Variants in PLAGL1 observed in about 807,000 individuals in gnomAD.
PLAGL1 encodes zinc finger protein PLAGL1.
In PLAGL1, 1 loss-of-function variant was observed where a neutral mutation model predicts 4.6. That is an observed-to-expected ratio of 0.22 (90% CI 0.08 to 1.03). PLAGL1 has a LOEUF of 1.03. Among genes scored for constraint, PLAGL1 ranks in the 50% least tolerant of loss-of-function variants. The pLI is 0.58. For missense variants in PLAGL1, 464 were observed against 570.4 expected (o/e 0.81, Z 1.90); for synonymous variants, 240 against 237.8 (o/e 1.01, Z -0.08).
rs942917698 is a variant in PLAGL1 at position 143,945,971 on chromosome 6, A to G, written c.152+2014T>C. On this transcript the variant is annotated intron_variant, in intron 7 of 7. Transcript: ENST00000674357. The surrounding 1 kb of genome is among the most constrained non-coding windows in gnomAD (Gnocchi z 4.2). Reference sequence around the variant, plus strand: ...ACAAGCCATTTTCCTTGCTAAGAACAACTACCTTCTAAACATGACTTAAGA... The same window carrying G: ...ACAAGCCATTTTCCTTGCTAAGAACGACTACCTTCTAAACATGACTTAAGA... Among the ~76,000 whole-genome samples, 2 of 152,214 alleles carry G rather than the reference A, an allele frequency of 1.3e-5. No homozygotes were observed. The highest frequency in any genetic ancestry group is 2.9e-5 in the Non-Finnish European group (2 of 68,040).
Position 143,942,123 on chromosome 6 carries a change from T to C in PLAGL1, c.693A>G (p.Ser231=). 6.2e-7 allele frequency: 1 copy of C among 1,614,180 alleles called. No homozygotes were observed. Among genetic ancestry groups the C allele is most frequent in the Admixed American group, 1.7e-5 (1 of 60,018 alleles). ...GCAAGGCAGCAGCCTTCAGTTGGAA[T>C]GAAGGCGAGATGGTGTGGAAGGTGC... ...LLSTFHTISP[S]FQLKAAALPP... is the part of the protein sequence containing the mutation. Residue 231 remains serine (S), a synonymous_variant, in exon 8 of 8, where the codon TCA becomes TCG. Coordinates refer to ENST00000674357, the MANE Select transcript of PLAGL1 (RefSeq NM_001317162.2). This position sits in a 1 kb window ranked among gnomAD's most constrained non-coding sequence, Gnocchi z 7.6.
At chr6:144,001,921 G>C (rs1379783949) in intron 1 of PLAGL1, among the ~76,000 whole-genome samples, 2 of 152,068 alleles carry the variant, frequency 1.3e-5, no homozygotes, top group Non-Finnish European at 1.5e-5. Context: ...CTGAGAAACT[G>C]TCACAGATTG....
Position 144,059,406 on chromosome 6 carries a change from C to T in PLAGL1, c.-151+5062G>A, listed in dbSNP as rs1176268122. 6.6e-6 allele frequency among the ~76,000 whole-genome samples: 1 copy of T among 152,192 alleles called. No homozygotes were observed. The highest frequency in any genetic ancestry group is 2.4e-5 in the African/African-American group (1 of 41,430). On this transcript the variant is annotated intron_variant, in intron 1 of 3. Transcript: ENST00000437412. This position sits in a 1 kb window ranked among gnomAD's most constrained non-coding sequence, Gnocchi z 4.9. ...CCTACAGGTCTTGCTAAGGTTCCTCCACCAACTGGGCAGGATTCAGGGGCC... is the reference window on the plus strand; with the variant it reads ...CCTACAGGTCTTGCTAAGGTTCCTCTACCAACTGGGCAGGATTCAGGGGCC...
chr6:144,045,908 ACTTCT>A (rs1483447633), intron 1 of PLAGL1, among the ~76,000 whole-genome samples: 1 of 151,748 alleles, frequency 6.6e-6, no homozygotes, highest in Non-Finnish European at 1.5e-5. Context: ...TTTTCTCTAA[ACTTCT>A]CTTCTCACTT....
intron 1 of PLAGL1, among the ~76,000 whole-genome samples, chr6:144,043,242 T>C (rs374234411): frequency 6.6e-6 from 1 of 152,254 alleles, no homozygotes; most frequent in African/African-American, 2.4e-5. Context: ...AGGGCATCCC[T>C]GTCTTGTGCC....
rs773325315 is a variant in PLAGL1, at chr6:143,990,805, G to A, written c.-583-5631C>T. ...ACCCAACCCCTCTTTCCTCCCTTGTGTCATGCCGCTGCATTATATATCAGA... is the reference window on the plus strand; with the variant it reads ...ACCCAACCCCTCTTTCCTCCCTTGTATCATGCCGCTGCATTATATATCAGA... On this transcript the variant is annotated intron_variant, in intron 1 of 7. Coordinates refer to ENST00000674357, the MANE Select transcript of PLAGL1 (RefSeq NM_001317162.2). This position sits in a 1 kb window ranked among gnomAD's most constrained non-coding sequence, Gnocchi z 5.4. Among the ~76,000 whole-genome samples the A allele has an allele frequency of 3.3e-5, 5 of 152,158 alleles. No homozygotes were observed. The highest frequency in any genetic ancestry group is 7.3e-5 in the Non-Finnish European group (5 of 68,030).
rs1338649102 is a variant in PLAGL1 at position 144,063,926 on chromosome 6, G to A, written c.-151+542C>T. ...CGGAGTCTGCGGGGACCTCCCCGCC[G>A]CAACTCGGTCACTTTGTTCCCATTA... On this transcript the variant is annotated intron_variant, in intron 1 of 3. Coordinates refer to the PLAGL1 transcript ENST00000437412. This position sits in a 1 kb window ranked among gnomAD's most constrained non-coding sequence, Gnocchi z 5.7. 2.0e-5 allele frequency among the ~76,000 whole-genome samples: 3 copies of A among 152,170 alleles called. No homozygotes were observed. The highest frequency in any genetic ancestry group is 2.9e-5 in the Non-Finnish European group (2 of 68,014).
In PLAGL1 at chr6:143,993,442, G is replaced by T. The variant is rs139759455; in HGVS notation, c.-583-8268C>A. On this transcript the variant is annotated intron_variant, in intron 1 of 7. Transcript: ENST00000674357. ...TCAAGAAAGAGCTGAGCTTAGAAAA[G>T]AACTATCCGGTTTCCAGGAAGTGAA... Among the ~76,000 whole-genome samples the T allele has an allele frequency of 2.2e-3, 328 of 151,262 alleles. 4 individuals carry two copies. The highest frequency in any genetic ancestry group is 0.014 in the East Asian group (73 of 5,150).
At chr6:144,003,699 T>G (rs1052363326) in intron 1 of PLAGL1, among the ~76,000 whole-genome samples, 1 of 151,094 alleles carries the variant, frequency 6.6e-6, no homozygotes, top group African/African-American at 2.4e-5. Context: ...CCAAGAAAGA[T>G]TCCCTATCCA....
chr6:144,022,639 A>G lies in PLAGL1; in HGVS notation c.-151+41829T>C, dbSNP rs993626703. The stretch of plus-strand genomic sequence containing the variant: ...TCCCATGCTGTTCTCACAATAGTGA[A>G]TAAGTTTCACCAGATCTGATGGTTT... On this transcript the variant is annotated intron_variant, in intron 1 of 3. Transcript: ENST00000437412. This position sits in a 1 kb window ranked among gnomAD's most constrained non-coding sequence, Gnocchi z 4.2. Among the ~76,000 whole-genome samples the G allele has an allele frequency of 1.3e-5, 2 of 152,186 alleles. No individual in the cohort carries two copies. The highest frequency in any genetic ancestry group is 4.8e-5 in the African/African-American group (2 of 41,446).
At position 143,985,772 on chromosome 6, in the gene PLAGL1, C is replaced by T. The variant is rs900056734; in HGVS notation, c.-583-598G>A. Among the ~76,000 whole-genome samples, 14 of 151,150 alleles carry T rather than the reference C, an allele frequency of 9.3e-5. No homozygotes were observed. The highest frequency in any genetic ancestry group is 4.6e-4 in the Admixed American group (7 of 15,162). On this transcript the variant is annotated intron_variant, in intron 1 of 7. Transcript: ENST00000674357. This position sits in a 1 kb window ranked among gnomAD's most constrained non-coding sequence, Gnocchi z 4.4. ...GGCATAGATCACTCATTTCAAAAAT[C>T]AAAACGCAAAAAGTAAGGGAGTCAG...
chr6:143,941,623 A>G lies in PLAGL1; in HGVS notation c.1193T>C (p.Phe398Ser), dbSNP rs754901227. The G allele has an allele frequency of 5.0e-6, 8 of 1,613,942 alleles. No individual in the cohort carries two copies. The highest frequency in any genetic ancestry group is 3.4e-6 in the Non-Finnish European group (4 of 1,179,986). The change falls in exon 8 of 8, where the codon TTT becomes TCT. Residue 398 changes from phenylalanine to serine, a missense_variant. This residue lies in a region of PLAGL1 where 248 missense variants were observed against 250.1 expected (regional missense o/e 0.99). Transcript: ENST00000674357. The surrounding 1 kb of genome is among the most constrained non-coding windows in gnomAD (Gnocchi z 6.0). The part of the protein sequence containing the change: ...QLPPPATQNT[F>S]GNSTLALGPG... ...CCCCAGGGCAAGAGTGCTATTCCCAAAGGTATTTTGGGTAGCAGGAGGGGG... is the reference window on the plus strand; with the variant it reads ...CCCCAGGGCAAGAGTGCTATTCCCAGAGGTATTTTGGGTAGCAGGAGGGGG...
chr6:143,952,791 G>A lies in PLAGL1; in HGVS notation c.-324-4331C>T, dbSNP rs1455236028. On this transcript the variant is annotated intron_variant, in intron 6 of 7. Coordinates refer to ENST00000674357, the MANE Select transcript of PLAGL1 (RefSeq NM_001317162.2). This position sits in a 1 kb window ranked among gnomAD's most constrained non-coding sequence, Gnocchi z 6.1. ...CATTGTCCTCAGTGACACAATCAAT[G>A]CAAGGCCCATTTCTGAGAGGAAAGT... is the stretch of plus-strand genomic sequence containing the variant. Among the ~76,000 whole-genome samples, 12 of 152,200 alleles carry A rather than the reference G, an allele frequency of 7.9e-5. No homozygotes were observed. The highest frequency in any genetic ancestry group is 7.9e-4 in the Admixed American group (12 of 15,284).
At position 143,949,569 on chromosome 6, in the gene PLAGL1, GC is replaced by G. The variant is rs1367383631; in HGVS notation, c.-324-1110del. On this transcript the variant is annotated intron_variant, in intron 6 of 7. Transcript: ENST00000674357. The surrounding 1 kb of genome is among the most constrained non-coding windows in gnomAD (Gnocchi z 5.3). ...ACCTGCCACTACCTGCCAGGGTAAA[GC>G]CCTGGATCACTACCACCCTGTGCTA... 1.3e-5 allele frequency among the ~76,000 whole-genome samples: 2 copies of G among 152,206 alleles called. No homozygotes were observed. Among genetic ancestry groups the G allele is most frequent in the Non-Finnish European group, 2.9e-5 (2 of 68,038 alleles).
At chr6:143,992,393 T>A (rs1790672318) in intron 1 of PLAGL1, among the ~76,000 whole-genome samples, 1 of 152,186 alleles carries the variant, frequency 6.6e-6, no homozygotes, top group Non-Finnish European at 1.5e-5. Context: ...AAGCAAAAAA[T>A]AAACTGTTTT....
rs1414377870 is a variant in PLAGL1 at position 143,968,773 on chromosome 6, G to A, written c.-472+134C>T. 6.6e-6 allele frequency: 1 copy of A among 152,160 alleles called. No homozygotes were observed. Among genetic ancestry groups the A allele is most frequent in the Admixed American group, 6.6e-5 (1 of 15,264 alleles). The allele number at this position is 152,160 out of a possible 1,614,324, so 9.4% of individuals were successfully genotyped here. A position where few individuals can be genotyped will look rare whatever the true frequency, so the allele number is the denominator to read the frequency against. On this transcript the variant is annotated intron_variant, in intron 3 of 7. Coordinates refer to ENST00000674357, the MANE Select transcript of PLAGL1 (RefSeq NM_001317162.2). The surrounding 1 kb of genome is among the most constrained non-coding windows in gnomAD (Gnocchi z 6.3). Reference sequence around the variant, plus strand: ...TCACAAAGTCTTTTCTGGGACATAAGCCCCTCTACCATGGAGGAGGCGAAG... The same window carrying A: ...TCACAAAGTCTTTTCTGGGACATAAACCCCTCTACCATGGAGGAGGCGAAG...
chr6:143,942,491 G>T lies in PLAGL1; in HGVS notation c.325C>A (p.His109Asn). 6.2e-7 allele frequency: 1 copy of T among 1,614,146 alleles called. No individual in the cohort carries two copies. ...CTGCTGGCCGCATGGAGGGCCAGGT[G>T]CCTCTTATAGCCCAGCATGGTGTTG... The part of the protein sequence containing the change: ...KYNTMLGYKR[H>N]LALHAASSGD... The change falls in exon 8 of 8, where the codon CAC (histidine) becomes AAC (asparagine). Residue 109 changes from histidine (H) to asparagine (N), a missense_variant. By Grantham distance (68) the His-to-Asn change is moderately conservative (BLOSUM62 1). Around this residue, in one of 4 missense-constraint regions of PLAGL1, gnomAD observed 161 missense variants for 196.7 expected, o/e 0.82. Coordinates refer to ENST00000674357, the MANE Select transcript of PLAGL1 (RefSeq NM_001317162.2). The surrounding 1 kb of genome is among the most constrained non-coding windows in gnomAD (Gnocchi z 7.6).
At chr6:143,943,523 G>A (rs368685454) in intron 7 of PLAGL1, among the ~76,000 whole-genome samples, 8 of 151,820 alleles carry the variant, frequency 5.3e-5, no homozygotes, top group Admixed American at 6.5e-5. Flanking sequence ...TCTGCCTGCC[G>A]TGAGATCTCA....
At chr6:144,011,967 T>C (rs1026064292), upstream of PLAGL1, among the ~76,000 whole-genome samples, 1 of 152,132 alleles carries the variant, frequency 6.6e-6, no homozygotes, top group South Asian at 2.1e-4. This position sits in a 1 kb window ranked among gnomAD's most constrained non-coding sequence, Gnocchi z 4.3. Context: ...CCTTTCCACA[T>C]TGGGGGACGT....
Sources: gnomAD v4.1 joint callset for allele counts (sites outside exome capture counted in the v4.1 genomes callset) on GRCh38, gnomAD v4.1.1 for gene constraint, gnomAD v4.1.1 regional missense constraint, Gnocchi (gnomAD v3.1) non-coding constraint, MANE v1.5 for transcripts, NCBI Gene and HGNC (gene_info 2026-07-23, HGNC 2026-07-21) for gene names.